NOL4: variants seen among roughly 807,000 people sequenced by gnomAD.
NOL4 encodes the protein nucleolar protein 4.
Under a neutral mutation model 75.9 loss-of-function variants are expected in NOL4, and 17 were observed. The ratio of observed to expected loss-of-function variants is 0.22; its 90% confidence interval spans 0.15 to 0.34. NOL4 has a LOEUF of 0.34. Ranked by LOEUF, NOL4 falls within the 10% of genes least tolerant of loss-of-function variation. The pLI is 1.00. For synonymous variants in NOL4, 292 were observed against 289.9 expected (o/e 1.01, Z -0.07); for missense variants, 614 against 793.5 (o/e 0.77, Z 2.72).
At chr18:34,141,221 A>G (rs983132957) in intron 1 of NOL4, among the ~76,000 whole-genome samples, 3 of 152,160 alleles carry the variant, frequency 2.0e-5, no homozygotes, top group Admixed American at 6.6e-5. Flanking sequence ...ATGCTCATGG[A>G]TAGGAAGAAT....
chr18:34,129,826 C>T (rs751434626), intron 2 of NOL4, 45 bp downstream of exon 2: 10 of 1,492,624 alleles, frequency 6.7e-6, no homozygotes, highest in Non-Finnish European at 8.9e-6. Context: ...TACATAATAT[C>T]AAGTCTCGAA....
At chr18:34,175,736 C>G (rs1471332474) in intron 1 of NOL4, among the ~76,000 whole-genome samples, 2 of 152,082 alleles carry the variant, frequency 1.3e-5, no homozygotes, top group Admixed American at 6.6e-5. Flanking sequence ...TATTAGATCA[C>G]TATGCTGAGA....
chr18:34,035,628 A>C (rs1420803254), intron 5 of NOL4, among the ~76,000 whole-genome samples: 3 of 152,036 alleles, frequency 2.0e-5, no homozygotes, highest in African/African-American at 7.2e-5. Flanking sequence ...AGGAAAAAAA[A>C]ATAATGATTA....
intron 1 of NOL4, among the ~76,000 whole-genome samples, chr18:34,180,271 T>C (rs571301897): frequency 1.2e-3 from 183 of 151,592 alleles, no homozygotes; most frequent in African/African-American, 3.8e-3. Context: ...CGGCAACATA[T>C]ACAAAAGCAT....
intron 1 of NOL4, among the ~76,000 whole-genome samples, chr18:34,207,427 A>C (rs1205141612): frequency 6.6e-6 from 1 of 152,220 alleles, no homozygotes; most frequent in African/African-American, 2.4e-5. Context: ...ATGTCAGTTC[A>C]GTTTTTAAAT....
Position 33,889,515 on chromosome 18 carries a change from G to A in NOL4, c.1543-6091C>T, listed in dbSNP as rs549476301. Among the ~76,000 whole-genome samples, 354 of 152,158 alleles carry A rather than the reference G, an allele frequency of 2.3e-3. 2 individuals carry two copies. Among genetic ancestry groups the A allele is most frequent in the Non-Finnish European group, 3.6e-3 (243 of 67,998 alleles). ...CTATTTCAATCAATAGAAAAAGAGGGAAACCTCCCTAACTCATTTTATGAG... is the reference window on the plus strand; with the variant it reads ...CTATTTCAATCAATAGAAAAAGAGGAAAACCTCCCTAACTCATTTTATGAG... On this transcript the variant is annotated intron_variant, in intron 9 of 10. Coordinates refer to ENST00000261592, the MANE Select transcript of NOL4 (RefSeq NM_003787.5).
Position 34,210,583 on chromosome 18 carries a change from G to A in NOL4, c.264+12407C>T, listed in dbSNP as rs148847533. On this transcript the variant is annotated intron_variant, in intron 1 of 10. Coordinates refer to ENST00000261592, the MANE Select transcript of NOL4 (RefSeq NM_003787.5). ...TATGAGTGAGCCTGTCCATGCCCTG[G>A]GTATCAGTCATTATGTTATACAGAA... 4.6e-5 allele frequency among the ~76,000 whole-genome samples: 7 copies of A among 152,204 alleles called. 1 individual carries two copies. In the East Asian group the frequency reaches 1.2e-3, roughly 25 times the overall value.
At chr18:34,099,085 G>T (rs1243080873) in intron 4 of NOL4, among the ~76,000 whole-genome samples, 1 of 151,706 alleles carries the variant, frequency 6.6e-6, no homozygotes, top group Non-Finnish European at 1.5e-5. Flanking sequence ...TATTATTTCA[G>T]GCCAGGCACC....
intron 9 of NOL4, among the ~76,000 whole-genome samples, chr18:33,918,991 C>G (rs951425159): frequency 6.6e-6 from 1 of 151,904 alleles, no homozygotes; most frequent in African/African-American, 2.4e-5. Flanking sequence ...ATAGAGATTA[C>G]TAATAAATAA....
At chr18:34,213,864 A>T (rs566834891) in intron 1 of NOL4, among the ~76,000 whole-genome samples, 2 of 152,328 alleles carry the variant, frequency 1.3e-5, no homozygotes, top group South Asian at 2.1e-4. Flanking sequence ...ATGGGGTAAA[A>T]TTTAGAATAT....
chr18:33,959,165 C>G (rs1324598710), intron 6 of NOL4, among the ~76,000 whole-genome samples: 2 of 152,038 alleles, frequency 1.3e-5, no homozygotes, highest in Admixed American at 1.3e-4. Flanking sequence ...ACACATATTT[C>G]CATGTAAAAA....
intron 10 of NOL4, among the ~76,000 whole-genome samples, chr18:33,878,812 G>A (rs1353467201): frequency 1.3e-5 from 2 of 152,032 alleles, no homozygotes; most frequent in Non-Finnish European, 2.9e-5. Context: ...AGACTACGGA[G>A]TTTTTGTTTA....
At chr18:33,932,970 T>C (rs1480524453) in intron 9 of NOL4, among the ~76,000 whole-genome samples, 2 of 152,194 alleles carry the variant, frequency 1.3e-5, no homozygotes, top group East Asian at 3.9e-4. Context: ...ACTTGCAAAA[T>C]ACGTTCTATC....
At chr18:34,023,960 A>C (rs943534743) in intron 5 of NOL4, among the ~76,000 whole-genome samples, 2 of 151,864 alleles carry the variant, frequency 1.3e-5, no homozygotes, top group African/African-American at 2.4e-5. Context: ...CATTTTGTAG[A>C]AAAGTGGTTT....
chr18:34,220,042 G>A (rs1441747996), intron 1 of NOL4, among the ~76,000 whole-genome samples: 1 of 152,156 alleles, frequency 6.6e-6, no homozygotes, highest in Non-Finnish European at 1.5e-5. Context: ...TAACTTGCTC[G>A]ATTTTATCAT....
chr18:33,947,776 C>T (rs1251145499), intron 8 of NOL4, among the ~76,000 whole-genome samples: 4 of 151,856 alleles, frequency 2.6e-5, no homozygotes, highest in Non-Finnish European at 5.9e-5. Flanking sequence ...CTTTCTCCAG[C>T]ACTGTTCTTA....
intron 1 of NOL4, among the ~76,000 whole-genome samples, chr18:34,187,589 G>A (rs541571920): frequency 9.2e-5 from 14 of 151,976 alleles, no homozygotes; most frequent in Non-Finnish European, 1.5e-4. Flanking sequence ...GGGTTTCACC[G>A]TGTTAGCCAG....
intron 1 of NOL4, among the ~76,000 whole-genome samples, chr18:34,202,415 C>T (rs886379324): frequency 2.0e-5 from 3 of 151,862 alleles, no homozygotes; most frequent in Non-Finnish European, 4.4e-5. Context: ...AAACTGAATC[C>T]TTTCTTTCAC....
At chr18:33,909,571 T>C (rs1488390137) in intron 9 of NOL4, among the ~76,000 whole-genome samples, 1 of 152,180 alleles carries the variant, frequency 6.6e-6, no homozygotes. Flanking sequence ...TTATCCAGTT[T>C]CCTGAGTTAG....
Sources: allele counts gnomAD v4.1 joint callset (sites outside exome capture counted in the v4.1 genomes callset), GRCh38; gene constraint gnomAD v4.1.1; transcripts MANE v1.5; gene names NCBI Gene and HGNC (gene_info 2026-07-23, HGNC 2026-07-21).